The following BNC2 variants were observed in gnomAD, a reference collection of about 807,000 sequenced individuals.
BNC2 encodes basonuclin zinc finger protein 2.
Under a neutral mutation model 76.3 loss-of-function variants are expected in BNC2, and 20 were observed. The ratio of observed to expected loss-of-function variants is 0.26; its 90% CI spans 0.18 to 0.38. The LOEUF is 0.38. Ranked by LOEUF, BNC2 falls within the 10% of genes least tolerant of loss-of-function variation. The pLI is 1.00. For synonymous variants in BNC2, 582 were observed against 514.8 expected, an observed-to-expected ratio of 1.13 and a Z score of -1.77; for missense variants, 1,382 against 1,399.8, an observed-to-expected ratio of 0.99 and a Z score of 0.20.
chr9:16,624,556 A>G (rs1190954473), intron 3 of BNC2, among the ~76,000 whole-genome samples: 2 of 152,210 alleles, frequency 1.3e-5, no homozygotes, highest in Non-Finnish European at 2.9e-5. Flanking sequence ...CTAAGAAAGC[A>G]AAACCTACCA....
In BNC2 at chr9:16,677,206, C is replaced by T. The variant is rs541652107; in HGVS notation, c.330+50591G>A. On this transcript the variant is annotated intron_variant, in intron 3 of 6. Transcript: ENST00000380672. The stretch of plus-strand genomic sequence containing the variant: ...CAGGCACAATCTCCTTCAATCTGTC[C>T]GACAGTGTCAAGAGATAGGCTGAAG... Among the ~76,000 whole-genome samples, 96 of 152,188 alleles carry T rather than the reference C, an allele frequency of 6.3e-4. 1 individual carries two copies. Among genetic ancestry groups the T allele is most frequent in the Non-Finnish European group, 1.0e-3 (71 of 68,030 alleles).
chr9:16,579,929 A>G (rs1196177190), intron 4 of BNC2: 1 of 395,542 alleles, frequency 2.5e-6, no homozygotes, highest in African/African-American at 2.1e-5. Flanking sequence ...ACATAATGAC[A>G]GGTAGAATGC....
chr9:16,778,115 A>G (rs986080824), intron 1 of BNC2, among the ~76,000 whole-genome samples: 41 of 152,094 alleles, frequency 2.7e-4, no homozygotes, highest in African/African-American at 9.7e-4. Flanking sequence ...CCTTTTCTCT[A>G]TTTTCTGCAT....
At chr9:16,818,945 T>G (rs1177741163) in intron 1 of BNC2, among the ~76,000 whole-genome samples, 1 of 152,192 alleles carries the variant, frequency 6.6e-6, no homozygotes, top group East Asian at 1.9e-4. Flanking sequence ...CTTAACAATA[T>G]ACTCTGGCTT....
At position 16,812,317 on chromosome 9, in the gene BNC2, T is replaced by A. The variant is rs1438732138; in HGVS notation, c.3+58329A>T. 2.6e-5 allele frequency among the ~76,000 whole-genome samples: 4 copies of A among 152,362 alleles called. No homozygotes were observed. In the East Asian group the frequency reaches 7.7e-4, roughly 29 times the overall value. On this transcript the variant is annotated intron_variant, in intron 1 of 6. Coordinates refer to ENST00000380672, the MANE Select transcript of BNC2 (RefSeq NM_017637.6). ...AGATTCACAAAACCAGGGAATATTA[T>A]CCACCAGCAGTCCCATCTGCCTATG...
chr9:16,570,155 G>A (rs1819280277), intron 4 of BNC2, among the ~76,000 whole-genome samples: 1 of 152,214 alleles, frequency 6.6e-6, no homozygotes, highest in Admixed American at 6.5e-5. Flanking sequence ...AAAGTGCAAA[G>A]GCAAGGCATA....
intron 1 of BNC2, among the ~76,000 whole-genome samples, chr9:16,790,454 G>A (rs1817473433): frequency 6.6e-6 from 1 of 152,102 alleles, no homozygotes; most frequent in African/African-American, 2.4e-5. Flanking sequence ...TCTGAGAATT[G>A]TTTTATTTAT....
chr9:16,439,738 G>C (rs188568417), intron 5 of BNC2, among the ~76,000 whole-genome samples: 3 of 152,326 alleles, frequency 2.0e-5, no homozygotes, highest in Admixed American at 2.0e-4. Context: ...AAAAAGCTCT[G>C]ATAGTTATGT....
intron 5 of BNC2, among the ~76,000 whole-genome samples, chr9:16,547,395 C>T (rs1818518562): frequency 6.6e-6 from 1 of 152,222 alleles, no homozygotes; most frequent in Non-Finnish European, 1.5e-5. Context: ...CTGGTTATTC[C>T]ATGAGTTCCA....
intron 3 of BNC2, among the ~76,000 whole-genome samples, chr9:16,725,719 CACAGTCAG>C (rs1382008011): frequency 2.2e-5 from 3 of 134,116 alleles, no homozygotes; most frequent in African/African-American, 1.0e-4. Context: ...AAAATATCCA[CACAGTCAG>C]ACAGCTGGAT....
chr9:16,843,264 A>C lies in BNC2; in HGVS notation c.3+27382T>G, dbSNP rs148555272. 2.4e-3 allele frequency among the ~76,000 whole-genome samples: 364 copies of C among 152,332 alleles called. 1 individual carries two copies. Among genetic ancestry groups the C allele is most frequent in the African/African-American group, 7.8e-3 (326 of 41,576 alleles). On this transcript the variant is annotated intron_variant, in intron 1 of 6. Transcript: ENST00000380672. ...ACTCTTTAAAAAGGGCAGGGTTATAATTCTGTTTGTACTAGATAGTACTGA... is the reference window on the plus strand; with the variant it reads ...ACTCTTTAAAAAGGGCAGGGTTATACTTCTGTTTGTACTAGATAGTACTGA...
At chr9:16,470,275 G>A (rs761825372) in intron 5 of BNC2, among the ~76,000 whole-genome samples, 4 of 152,020 alleles carry the variant, frequency 2.6e-5, no homozygotes, top group Admixed American at 6.6e-5. Flanking sequence ...TGGATTACAG[G>A]CATGAGCCAC....
At chr9:16,443,254 A>G (rs1821166644) in intron 5 of BNC2, among the ~76,000 whole-genome samples, 1 of 152,116 alleles carries the variant, frequency 6.6e-6, no homozygotes, top group African/African-American at 2.4e-5. Context: ...ACCTGTAGGG[A>G]CTGCTGACTA....
chr9:16,723,907 T>C (rs1824240072), intron 3 of BNC2, among the ~76,000 whole-genome samples: 1 of 152,082 alleles, frequency 6.6e-6, no homozygotes, highest in African/African-American at 2.4e-5. Context: ...TTGCATGAAG[T>C]TAAATAAAGC....
intron 4 of BNC2, among the ~76,000 whole-genome samples, chr9:16,561,267 T>C (rs1014778843): frequency 6.6e-6 from 1 of 151,342 alleles, no homozygotes; most frequent in Non-Finnish European, 1.5e-5. Context: ...CCCACAGCCT[T>C]TGAAAATTGC....
At chr9:16,498,989 A>G (rs1822459814) in intron 5 of BNC2, among the ~76,000 whole-genome samples, 1 of 152,242 alleles carries the variant, frequency 6.6e-6, no homozygotes, top group African/African-American at 2.4e-5. Flanking sequence ...CATATTTAAT[A>G]ACCGTTTTAT....
chr9:16,778,975 G>T (rs941784270), intron 1 of BNC2, among the ~76,000 whole-genome samples: 1 of 152,090 alleles, frequency 6.6e-6, no homozygotes, highest in East Asian at 1.9e-4. Flanking sequence ...CAGTGGTAAT[G>T]CAATGTTCAA....
chr9:16,494,976 TAATAA>T lies in BNC2; in HGVS notation c.670-57457_670-57453del, dbSNP rs531408931. Among the ~76,000 whole-genome samples, 706 of 152,226 alleles carry T rather than the reference TAATAA, an allele frequency of 4.6e-3. 4 individuals are homozygous for T. The highest frequency in any genetic ancestry group is 7.8e-3 in the Non-Finnish European group (529 of 68,004). The stretch of plus-strand genomic sequence containing the variant: ...CACGTGTACCCTAGAACTTAAAGTA[TAATAA>T]AATAAAATAAAAGAGTTTGGATGTT... On this transcript the variant is annotated intron_variant, in intron 5 of 6. Coordinates refer to ENST00000380672, the MANE Select transcript of BNC2 (RefSeq NM_017637.6).
At chr9:16,572,540 C>G (rs1330416791) in intron 4 of BNC2, among the ~76,000 whole-genome samples, 2 of 152,132 alleles carry the variant, frequency 1.3e-5, no homozygotes, top group Non-Finnish European at 2.9e-5. Context: ...GGTGAAGTGC[C>G]CTTCCTGAGC....
Sources: gnomAD v4.1 joint callset for allele counts (sites outside exome capture counted in the v4.1 genomes callset) on GRCh38, gnomAD v4.1.1 for gene constraint, MANE v1.5 for transcripts, NCBI Gene and HGNC (gene_info 2026-07-23, HGNC 2026-07-21) for gene names.